DNAL4: variants seen among roughly 807,000 people sequenced by gnomAD.
DNAL4 encodes dynein axonemal light chain 4, also known as dynein light chain, outer arm 4.
Under a neutral mutation model 12.6 loss-of-function variants are expected in DNAL4, and 10 were observed. The observed-to-expected ratio is 0.79, with a 90% confidence interval of 0.49 to 1.34. The LOEUF (loss-of-function observed/expected upper bound fraction) is 1.34. DNAL4 is among the 40% of genes most tolerant of loss of function. The pLI, the probability that DNAL4 is intolerant of heterozygous loss-of-function variation, is 0.00. For synonymous variants in DNAL4, 46 were observed against 53.1 expected, an observed-to-expected ratio of 0.87 and a Z score of 0.58; for missense variants, 128 against 138.1, an observed-to-expected ratio of 0.93 and a Z score of 0.37.
chr22:38,793,734 G>A (rs1569320066), intron 1 of DNAL4, among the ~76,000 whole-genome samples: 1 of 152,178 alleles, frequency 6.6e-6, no homozygotes, highest in Admixed American at 6.5e-5. Context: ...GCGGGAGAGG[G>A]AATTACTCCG....
chr22:38,784,506 C>G (rs937521193), intron 1 of DNAL4, among the ~76,000 whole-genome samples: 2 of 139,172 alleles, frequency 1.4e-5, no homozygotes, highest in African/African-American at 5.3e-5. Context: ...GTCTCTTTCA[C>G]TTTTTTTTTT....
In DNAL4 at chr22:38,780,983, G is replaced by T. The variant is rs780347765; in HGVS notation, c.96C>A (p.Arg32=). The change falls in exon 3 of 4, where the codon CGC becomes CGA. Residue 32 remains arginine, a synonymous_variant. Coordinates refer to ENST00000216068, the MANE Select transcript of DNAL4 (RefSeq NM_005740.3). ...TGACACATAGCTCCATGGTCTCCAC[G>T]CGCATCTCCTCTGGCATGTCCGAGT... ...VRHSDMPEEM[R]VETMELCVTA... is the part of the protein sequence containing the mutation. 1.7e-5 allele frequency: 28 copies of T among 1,614,080 alleles called. No individual in the cohort carries two copies. The highest frequency in any genetic ancestry group is 2.4e-5 in the Non-Finnish European group (28 of 1,180,040).
intron 1 of DNAL4, among the ~76,000 whole-genome samples, chr22:38,788,668 C>T (rs1401308327): frequency 1.3e-5 from 2 of 152,254 alleles, no homozygotes; most frequent in Non-Finnish European, 2.9e-5. Context: ...ACAACCATCA[C>T]AGCTATTAGC....
chr22:38,784,573 C>T (rs191434500), intron 1 of DNAL4, among the ~76,000 whole-genome samples: 136 of 150,408 alleles, frequency 9.0e-4, no homozygotes, highest in Admixed American at 3.0e-3. Context: ...TGCAGTGGCA[C>T]GATGTCAGCT....
chr22:38,791,639 G>T (rs1241834076), intron 1 of DNAL4, among the ~76,000 whole-genome samples: 1 of 152,074 alleles, frequency 6.6e-6, no homozygotes, highest in Admixed American at 6.6e-5. Context: ...TGATCTGCCC[G>T]CCTCAGCCTC....
intron 3 of DNAL4, 161 bp downstream of exon 3, chr22:38,780,765 C>T: frequency 1.5e-6 from 1 of 685,496 alleles, no homozygotes; most frequent in Non-Finnish European, 2.5e-6. Flanking sequence ...TCAGCGCCAG[C>T]CTCTCACTCA....
At chr22:38,780,763 A>AG (rs2146163091) in intron 3 of DNAL4, 163 bp downstream of exon 3, 2 of 676,330 alleles carry the variant, frequency 3.0e-6, no homozygotes, top group Non-Finnish European at 5.0e-6. Flanking sequence ...AGTCAGCGCC[A>AG]GCCTCTCACT....
intron 1 of DNAL4, among the ~76,000 whole-genome samples, chr22:38,791,268 G>A (rs1437936731): frequency 6.6e-6 from 1 of 152,164 alleles, no homozygotes; most frequent in Non-Finnish European, 1.5e-5. Context: ...AGGACAGGAA[G>A]TTGCTCTGGG....
chr22:38,780,354 A>G (rs955446199), intron 3 of DNAL4, among the ~76,000 whole-genome samples: 3 of 152,216 alleles, frequency 2.0e-5, no homozygotes, highest in Non-Finnish European at 4.4e-5. Context: ...GAAATGGCTC[A>G]TTCAAGGGTA....
intron 3 of DNAL4, 43 bp downstream of exon 3, chr22:38,780,883 G>A: frequency 6.2e-7 from 1 of 1,604,572 alleles, no homozygotes; most frequent in Non-Finnish European, 8.5e-7. Context: ...CACCCACAGG[G>A]GCCATCAAAA....
intron 1 of DNAL4, among the ~76,000 whole-genome samples, chr22:38,784,670 C>T (rs1338612577): frequency 2.0e-5 from 3 of 152,108 alleles, no homozygotes; most frequent in Admixed American, 1.3e-4. Context: ...ACCACCACGC[C>T]CGGCTAATTT....
chr22:38,791,147 G>A (rs1220522761), intron 1 of DNAL4, among the ~76,000 whole-genome samples: 7 of 150,300 alleles, frequency 4.7e-5, no homozygotes, highest in African/African-American at 1.7e-4. Context: ...AGCCTGGGCA[G>A]CAGAGCGAGT....
intron 1 of DNAL4, chr22:38,786,065 G>A (rs1257337345): frequency 3.3e-5 from 5 of 152,200 alleles, no homozygotes; most frequent in African/African-American, 1.2e-4. Context: ...CAGAAAGGCA[G>A]GAGAATTTTT....
chr22:38,790,042 A>G (rs757875488), intron 1 of DNAL4, among the ~76,000 whole-genome samples: 1 of 151,980 alleles, frequency 6.6e-6, no homozygotes, highest in African/African-American at 2.4e-5. Context: ...TTTTGTAGAC[A>G]TGGGGTCTCT....
chr22:38,793,960 G>A (rs2093054834), intron 1 of DNAL4, 108 bp downstream of exon 1: 1 of 152,232 alleles, frequency 6.6e-6, no homozygotes, highest in Non-Finnish European at 1.5e-5. Flanking sequence ...AGGAGACCGA[G>A]GTGGGGCCTC....
intron 1 of DNAL4, among the ~76,000 whole-genome samples, chr22:38,789,138 T>C (rs1326141967): frequency 6.6e-6 from 1 of 152,198 alleles, no homozygotes; most frequent in African/African-American, 2.4e-5. Flanking sequence ...AGTCACTCTG[T>C]CAGACAGGTA....
intron 1 of DNAL4, among the ~76,000 whole-genome samples, chr22:38,793,450 G>A (rs2093054034): frequency 6.6e-6 from 1 of 152,184 alleles, no homozygotes; most frequent in African/African-American, 2.4e-5. Context: ...TAGGTCTTGA[G>A]ACTGGGAATC....
intron 3 of DNAL4, 99 bp downstream of exon 3, chr22:38,780,827 G>A (rs1005901513): frequency 8.3e-6 from 10 of 1,199,974 alleles, no homozygotes; most frequent in Non-Finnish European, 1.2e-5. Flanking sequence ...CCTCATCCTA[G>A]CAGTACTGTC....
intron 1 of DNAL4, among the ~76,000 whole-genome samples, chr22:38,792,404 T>A (rs1422495080): frequency 1.3e-5 from 2 of 152,166 alleles, no homozygotes; most frequent in African/African-American, 4.8e-5. Context: ...TGTCTCAGCC[T>A]CCTGAGTAGC....
Sources: gnomAD v4.1 joint callset for allele counts (sites outside exome capture counted in the v4.1 genomes callset) on GRCh38, gnomAD v4.1.1 for gene constraint, MANE v1.5 for transcripts, NCBI Gene and HGNC (gene_info 2026-07-23, HGNC 2026-07-21) for gene names.